Variants in JPH3 observed in about 807,000 individuals in gnomAD.
JPH3 encodes the protein junctophilin 3, also known as junctophilin-3.
JPH3 carries 11 observed loss-of-function variants against 59.6 expected under a neutral mutation model. That is an observed-to-expected ratio of 0.18 (90% CI 0.12 to 0.31). The LOEUF is 0.31. Among genes scored for constraint, JPH3 ranks in the 10% least tolerant of loss-of-function variants. The pLI is 1.00. For missense variants in JPH3, 1,202 were observed against 1,105.7 expected, an observed-to-expected ratio of 1.09 and a Z score of -1.24; for synonymous variants, 673 against 483.6, an observed-to-expected ratio of 1.39 and a Z score of -5.14.
At chr16:87,660,780 G>T (rs1181847939) in intron 2 of JPH3, among the ~76,000 whole-genome samples, 1 of 152,158 alleles carries the variant, frequency 6.6e-6, no homozygotes, top group Non-Finnish European at 1.5e-5. Flanking sequence ...ACCTCCTCTT[G>T]GGCCATCCAT....
At chr16:87,640,955 T>G (rs1006168292) in intron 1 of JPH3, among the ~76,000 whole-genome samples, 1 of 152,216 alleles carries the variant, frequency 6.6e-6, no homozygotes, top group Admixed American at 6.5e-5. Context: ...GGCCACCCCC[T>G]GAGACCCACC....
chr16:87,607,641 T>A (rs2030574406), intron 1 of JPH3, among the ~76,000 whole-genome samples: 1 of 152,374 alleles, frequency 6.6e-6, no homozygotes, highest in East Asian at 1.9e-4. Flanking sequence ...AACACACGTT[T>A]ATGCTGTTAG....
chr16:87,604,604 G>C, intron 1 of JPH3: 1 of 1,211,928 alleles, frequency 8.3e-7, no homozygotes, highest in Non-Finnish European at 1.0e-6. Flanking sequence ...TTGTGCTTCT[G>C]CCGAGAATAA....
intron 1 of JPH3, among the ~76,000 whole-genome samples, chr16:87,607,323 A>G (rs1477909071): frequency 2.6e-5 from 4 of 152,168 alleles, no homozygotes; most frequent in Non-Finnish European, 5.9e-5. Context: ...CCTGAAAGAT[A>G]TGAGTCATCT....
chr16:87,691,409 G>A (rs1225845132), intron 4 of JPH3, among the ~76,000 whole-genome samples: 3 of 152,234 alleles, frequency 2.0e-5, no homozygotes, highest in Non-Finnish European at 4.4e-5. Flanking sequence ...GGCAGTGCGT[G>A]GTGCTGAACA....
chr16:87,636,606 C>T (rs768233071), intron 1 of JPH3, among the ~76,000 whole-genome samples: 1 of 152,336 alleles, frequency 6.6e-6, no homozygotes, highest in Non-Finnish European at 1.5e-5. Flanking sequence ...GGTCAGGCTA[C>T]GCAGGCAGTC....
Position 87,690,569 on chromosome 16 carries a change from C to G in JPH3, c.2166+43C>G, listed in dbSNP as rs77254573. The stretch of plus-strand genomic sequence containing the variant: ...AGGCTGGTCCCAGTGGAGGCAACAT[C>G]CACCTCTCTGCTGACCTGGTGTTTC... On this transcript the variant is annotated intron_variant, in intron 4 of 4. Transcript: ENST00000284262. 2.1e-3 allele frequency: 3,005 copies of G among 1,434,342 alleles called. 64 individuals are homozygous for G. The African/African-American group carries it at 0.039, about 19-fold the overall frequency. 88.9% of individuals were successfully genotyped at this position (1,434,342 alleles called of 1,614,324 possible).
At chr16:87,694,824 C>G (rs2033744727) in intron 4 of JPH3, 1 of 189,548 alleles carries the variant, frequency 5.3e-6, no homozygotes, top group South Asian at 1.1e-4. Flanking sequence ...GTCCCCTCCT[C>G]CCCCAGCTCC....
chr16:87,680,557 C>T (rs1473961184), intron 2 of JPH3, among the ~76,000 whole-genome samples: 1 of 152,230 alleles, frequency 6.6e-6, no homozygotes, highest in Non-Finnish European at 1.5e-5. Flanking sequence ...AAGGCGGGAT[C>T]TGTAACGTGA....
At chr16:87,634,625 T>C (rs898392084) in intron 1 of JPH3, among the ~76,000 whole-genome samples, 13 of 152,268 alleles carry the variant, frequency 8.5e-5, no homozygotes, top group African/African-American at 2.4e-4. Flanking sequence ...GTGGATCTAA[T>C]TGGGATTTGG....
At chr16:87,675,855 C>T (rs2033130514) in intron 2 of JPH3, among the ~76,000 whole-genome samples, 1 of 152,248 alleles carries the variant, frequency 6.6e-6, no homozygotes, top group Non-Finnish European at 1.5e-5. Flanking sequence ...CACTCCCATC[C>T]TATTTCGCAC....
intron 2 of JPH3, among the ~76,000 whole-genome samples, chr16:87,659,194 C>T (rs1295641587): frequency 6.6e-6 from 1 of 151,502 alleles, no homozygotes; most frequent in Admixed American, 6.6e-5. Flanking sequence ...GCCAACATGG[C>T]AAGATCCCCT....
chr16:87,663,387 C>T (rs1460152105), intron 2 of JPH3, among the ~76,000 whole-genome samples: 1 of 152,178 alleles, frequency 6.6e-6, no homozygotes, highest in African/African-American at 2.4e-5. Context: ...GGATTATAGG[C>T]ATGTGCCACT....
chr16:87,684,237 T>C lies in JPH3; in HGVS notation c.1256T>C (p.Phe419Ser), dbSNP rs2033363252. 2.5e-6 allele frequency: 4 copies of C among 1,613,770 alleles called. No individual in the cohort carries two copies. The highest frequency in any genetic ancestry group is 3.4e-6 in the Non-Finnish European group (4 of 1,179,998). Residue 419 changes from phenylalanine to serine, a missense_variant, in exon 3 of 5, where the codon TTC (phenylalanine) becomes TCC (serine). By Grantham distance (155) the Phe-to-Ser change is radical. Transcript: ENST00000284262. ...ARIARITAKE[F>S]SPSFQHRENG... ...ATCGCCAGGATCACTGCCAAAGAGT[T>C]CTCCCCTTCCTTCCAGCACCGGGAA... is the stretch of plus-strand genomic sequence containing the variant.
At chr16:87,677,888 G>A (rs564375282) in intron 2 of JPH3, among the ~76,000 whole-genome samples, 2 of 152,228 alleles carry the variant, frequency 1.3e-5, no homozygotes, top group African/African-American at 4.8e-5. Context: ...GGGGATTGAG[G>A]TCAGGACTGT....
chr16:87,645,517 G>T (rs111868681), intron 2 of JPH3, among the ~76,000 whole-genome samples: 14 of 152,310 alleles, frequency 9.2e-5, no homozygotes, highest in African/African-American at 2.9e-4. Context: ...CCTGGGAGAT[G>T]GCAGCAGTTG....
At chr16:87,691,694 C>T (rs562709152) in intron 4 of JPH3, among the ~76,000 whole-genome samples, 6 of 152,276 alleles carry the variant, frequency 3.9e-5, no homozygotes, top group Admixed American at 3.3e-4. Context: ...TCCTTGGAAC[C>T]ACTGCGGACG....
At chr16:87,656,601 C>T (rs2032509868) in intron 2 of JPH3, among the ~76,000 whole-genome samples, 1 of 152,194 alleles carries the variant, frequency 6.6e-6, no homozygotes, top group South Asian at 2.1e-4. Context: ...TCAGTCAGTG[C>T]CTGGGAACAT....
intron 2 of JPH3, among the ~76,000 whole-genome samples, chr16:87,657,097 G>C (rs2032527806): frequency 6.6e-6 from 1 of 152,152 alleles, no homozygotes; most frequent in Non-Finnish European, 1.5e-5. Context: ...GAACCTGAGG[G>C]GGACTCAGCC....
Sources: allele counts gnomAD v4.1 joint callset (sites outside exome capture counted in the v4.1 genomes callset), GRCh38; gene constraint gnomAD v4.1.1; transcripts MANE v1.5; gene names NCBI Gene and HGNC (gene_info 2026-07-23, HGNC 2026-07-21).